ADAR: variants seen among roughly 807,000 people sequenced by gnomAD.
ADAR encodes the protein double-stranded RNA-specific adenosine deaminase.
A neutral mutation model predicts 113.2 loss-of-function variants in ADAR; 41 were observed. The observed-to-expected ratio is 0.36, with a 90% CI of 0.28 to 0.47. The LOEUF is 0.47. ADAR is among the 20% of genes least tolerant of loss of function. The probability of loss-of-function intolerance (pLI) is 1.00; values close to 1 mark genes in which losing one functional copy is unlikely to be tolerated. For synonymous variants in ADAR, 605 were observed against 572.6 expected (o/e 1.06, Z -0.81); for missense variants, 1,242 against 1,540.9 (o/e 0.81, Z 3.25).
intron 1 of ADAR, among the ~76,000 whole-genome samples, chr1:154,618,159 A>C (rs138268360): frequency 1.6e-4 from 24 of 151,012 alleles, no homozygotes; most frequent in African/African-American, 5.6e-4. Flanking sequence ...TTAATGTTTT[A>C]TTTGCTATTA....
chr1:154,619,109 C>G (rs567306866), intron 1 of ADAR, among the ~76,000 whole-genome samples: 20 of 150,638 alleles, frequency 1.3e-4, no homozygotes, highest in Non-Finnish European at 2.8e-4. Context: ...GACTCCATCT[C>G]AAAAAAAAAG....
intron 1 of ADAR, among the ~76,000 whole-genome samples, chr1:154,627,386 G>A (rs1033838989): frequency 2.2e-4 from 33 of 152,334 alleles, no homozygotes; most frequent in Admixed American, 1.8e-3. Context: ...CTGGGATAAA[G>A]GGCCGGTCCT....
rs1696672165 is a variant in ADAR, at chr1:154,585,240, G to A, written c.3420C>T (p.Asp1140=). Residue 1140 remains aspartate (D), a synonymous_variant, in exon 14 of 15, where the codon GAC becomes GAT. Coordinates refer to ENST00000368474, the MANE Select transcript of ADAR (RefSeq NM_001111.5). ...ACCCATCCACAGTGCCTCTGGTACCGTCCAGGATCTCCAGGTCATAGCCAT... is the reference window on the plus strand; with the variant it reads ...ACCCATCCACAGTGCCTCTGGTACCATCCAGGATCTCCAGGTCATAGCCAT... ...LADGYDLEIL[D]GTRGTVDGPR... is the part of the protein sequence containing the mutation. 5.0e-6 allele frequency: 8 copies of A among 1,614,124 alleles called. No individual in the cohort carries two copies. The East Asian group carries it at 6.7e-5, about 13-fold the overall frequency.
rs765520247 is a variant in ADAR at position 154,588,106 on chromosome 1, G to T, written c.3019+19C>A. 6.2e-7 allele frequency: 1 copy of T among 1,612,942 alleles called. No homozygotes were observed. Among genetic ancestry groups the T allele is most frequent in the Non-Finnish European group, 8.5e-7 (1 of 1,179,856 alleles). Reference sequence around the variant, plus strand: ...GCAGAGCCTTTTGAGGAAAGGAGGCGGGGGCATGTATCACTCACCGTTCTC... The same window carrying T: ...GCAGAGCCTTTTGAGGAAAGGAGGCTGGGGCATGTATCACTCACCGTTCTC... On this transcript the variant is annotated intron_variant, in intron 11 of 14. Transcript: ENST00000368474.
chr1:154,586,527 A>G (rs1220597300), intron 11 of ADAR, among the ~76,000 whole-genome samples, 164 bp from the exon 12 acceptor site: 1 of 152,272 alleles, frequency 6.6e-6, no homozygotes, highest in African/African-American at 2.4e-5. Context: ...GTGCTGGGAA[A>G]GAACGGTGAG....
In ADAR at chr1:154,585,782, G is replaced by A. The variant is rs769148365; in HGVS notation, c.3286C>T (p.Arg1096Ter). The A allele has an allele frequency of 2.5e-6, 4 of 1,613,788 alleles. No individual in the cohort carries two copies. The highest frequency in any genetic ancestry group is 1.7e-5 in the Admixed American group (1 of 60,018). ...GGGTGGTTGACAATAAAGGGATGTC[G>A]TAGTCCATCCTCAAATGCACTCCCA... The part of the protein sequence containing the change: ...RDGSAFEDGL[R>*]HPFIVNHPKV... Residue 1096 changes from arginine to a stop codon, truncating the protein, a stop_gained, in exon 13 of 15, where the codon CGA becomes TGA. Coordinates refer to ENST00000368474, the MANE Select transcript of ADAR (RefSeq NM_001111.5). LOFTEE classifies it high-confidence loss of function.
Position 154,625,869 on chromosome 1 carries a change from T to C in ADAR, c.-871+1986A>G, listed in dbSNP as rs112568357. On this transcript the variant is annotated intron_variant, in intron 1 of 14. Coordinates refer to the ADAR transcript ENST00000368471. ...AAATACAAAAATTAGCCAGGCATGG[T>C]GGCATGCTCCTGTAATCCCAGCTAC... 7.1e-3 allele frequency among the ~76,000 whole-genome samples: 1,082 copies of C among 152,052 alleles called. 9 individuals carry two copies. The highest frequency in any genetic ancestry group is 0.013 in the Non-Finnish European group (866 of 67,980).
chr1:154,608,593 C>T (rs1035670447), upstream of ADAR, among the ~76,000 whole-genome samples: 6 of 151,276 alleles, frequency 4.0e-5, no homozygotes, highest in East Asian at 9.7e-4. Flanking sequence ...CCGCCCACCT[C>T]GGCCTCCCAA....
At chr1:154,600,760 C>T in intron 2 of ADAR, 2 of 489,358 alleles carry the variant, frequency 4.1e-6, no homozygotes, top group Non-Finnish European at 7.4e-6. Context: ...GCATGAGCCA[C>T]CGCGTACGGC....
At chr1:154,617,761 T>G (rs1047814357) in intron 1 of ADAR, among the ~76,000 whole-genome samples, 2 of 152,192 alleles carry the variant, frequency 1.3e-5, no homozygotes, top group Non-Finnish European at 2.9e-5. Context: ...CAAGTCTTTA[T>G]GCTCAGTGGT....
At chr1:154,627,752 G>C in intron 1 of ADAR, 3 of 448,614 alleles carry the variant, frequency 6.7e-6, no homozygotes, top group South Asian at 4.8e-5. Flanking sequence ...CTGCCGGGGC[G>C]CCCCCACGCT....
Position 154,585,224 on chromosome 1 carries a change from C to A in ADAR, c.3436G>T (p.Val1146Leu). ...LEILDGTRGT[V>L]DGPRNELSRV... The stretch of plus-strand genomic sequence containing the variant: ...GCTCTCCTGTCTCCTTACCCATCCA[C>A]AGTGCCTCTGGTACCGTCCAGGATC... Residue 1146 changes from valine (V) to leucine (L), a missense_variant, in exon 14 of 15, where the codon GTG (valine) becomes TTG (leucine). By Grantham distance (32) the Val-to-Leu change is conservative (BLOSUM62 1). Coordinates refer to ENST00000368474, the MANE Select transcript of ADAR (RefSeq NM_001111.5). 3.1e-6 allele frequency: 5 copies of A among 1,614,164 alleles called. No homozygotes were observed. The highest frequency in any genetic ancestry group is 1.3e-5 in the African/African-American group (1 of 75,028).
intron 4 of ADAR, 25 bp downstream of exon 4, chr1:154,597,803 T>C (rs897289509): frequency 1.2e-6 from 2 of 1,613,966 alleles, no homozygotes; most frequent in African/African-American, 2.7e-5. Context: ...AAACCTCAGC[T>C]GGACAGAGGA....
intron 11 of ADAR, among the ~76,000 whole-genome samples, chr1:154,587,868 T>G (rs1312463326): frequency 6.6e-6 from 1 of 152,086 alleles, no homozygotes; most frequent in East Asian, 1.9e-4. Flanking sequence ...CCAGCCAAGC[T>G]CCCTCCTCTG....
In ADAR at chr1:154,608,142, G is replaced by T; in HGVS notation, c.-136C>A. On this transcript the variant is annotated 5_prime_UTR_variant, in exon 1 of 15. Coordinates refer to ENST00000368474, the MANE Select transcript of ADAR (RefSeq NM_001111.5). ...AAGTGGCCCCGGGGCGTCGGCACGG[G>T]AAACTCCGCGGGTCTGCGCGCCGGG... 8.7e-7 allele frequency: 1 copy of T among 1,152,260 alleles called. No individual in the cohort carries two copies. The highest frequency in any genetic ancestry group is 1.2e-6 in the Non-Finnish European group (1 of 857,102). The allele number at this position is 1,152,260 out of a possible 1,614,324, so 71.4% of individuals were successfully genotyped here.
At position 154,583,476 on chromosome 1, in the gene ADAR, T is replaced by C. The variant is rs569246241; in HGVS notation, c.*1330A>G. 8 of 152,324 alleles carry C rather than the reference T, an allele frequency of 5.3e-5. No individual in the cohort carries two copies. The highest frequency in any genetic ancestry group is 1.0e-4 in the Non-Finnish European group (7 of 68,038). The allele number at this position is 152,324 out of a possible 1,614,324, so 9.4% of individuals were successfully genotyped here. A position where few individuals can be genotyped will look rare whatever the true frequency, so the allele number is the denominator to read the frequency against. On this transcript the variant is annotated 3_prime_UTR_variant, in exon 15 of 15. Coordinates refer to ENST00000368474, the MANE Select transcript of ADAR (RefSeq NM_001111.5). ...CTCTGAACACACGAGTCAATGTTCA[T>C]GGAGGTATAGACAAAGGATTCTACC...
intron 1 of ADAR, among the ~76,000 whole-genome samples, chr1:154,624,565 C>A (rs1458022014): frequency 1.3e-5 from 2 of 152,130 alleles, no homozygotes; most frequent in Non-Finnish European, 2.9e-5. Flanking sequence ...TCAAAAATAC[C>A]AGGAATATCA....
chr1:154,601,240 C>T lies in ADAR; in HGVS notation c.1402G>A (p.Ala468Thr), dbSNP rs761708272. Residue 468 changes from alanine to threonine, a missense_variant, in exon 2 of 15, where the codon GCA (alanine) becomes ACA (threonine). Transcript: ENST00000368474. The surrounding 1 kb of genome is among the most constrained non-coding windows in gnomAD (Gnocchi z 4.7). ...DIPDDLNSIR[A>T]APGEFRAIME... is the part of the protein sequence containing the mutation. ...ATGGCTCGAAACTCACCTGGTGCTG[C>T]GCGGATACTATTCAAGTCATCTGGG... 1.8e-5 allele frequency: 29 copies of T among 1,614,108 alleles called. No homozygotes were observed. Among genetic ancestry groups the T allele is most frequent in the Non-Finnish European group, 2.2e-5 (26 of 1,180,052 alleles).
At chr1:154,618,314 C>A (rs193164150) in intron 1 of ADAR, among the ~76,000 whole-genome samples, 1 of 151,924 alleles carries the variant, frequency 6.6e-6, no homozygotes, top group African/African-American at 2.4e-5. Context: ...GAAGGACATA[C>A]CAGTCTCAAA....
Sources: gnomAD v4.1 joint callset for allele counts (sites outside exome capture counted in the v4.1 genomes callset) on GRCh38, gnomAD v4.1.1 for gene constraint, Gnocchi (gnomAD v3.1) non-coding constraint, MANE v1.5 for transcripts, NCBI Gene and HGNC (gene_info 2026-07-23, HGNC 2026-07-21) for gene names.